Variants in RUNX3 observed in about 807,000 individuals in gnomAD.
RUNX3 encodes the protein runt-related transcription factor 3.
In RUNX3, 10 loss-of-function variants were observed where a neutral mutation model predicts 27.7. That is an observed-to-expected ratio of 0.36 (90% CI 0.22 to 0.61). The LOEUF (loss-of-function observed/expected upper bound fraction) is 0.61, where lower values mean the gene tolerates loss of function less well. RUNX3 is among the 20% of genes least tolerant of loss of function. The pLI, the probability that RUNX3 is intolerant of heterozygous loss-of-function variation, is 0.72. For synonymous variants in RUNX3, 270 were observed against 269.2 expected, an observed-to-expected ratio of 1.00 and a Z score of -0.03; for missense variants, 469 against 629.5, an observed-to-expected ratio of 0.75 and a Z score of 2.73.
At chr1:24,919,179 T>TCCTTCC (rs1239078155) in intron 3 of RUNX3, 61 bp downstream of exon 3, 7 of 1,051,500 alleles carry the variant, frequency 6.7e-6, no homozygotes, top group Admixed American at 4.5e-5. Flanking sequence ...CTAGCTGCTG[T>TCCTTCC]CCTTCCCGCA....
In RUNX3 at chr1:24,927,088, G is replaced by A. The variant is rs185391965; in HGVS notation, c.439+486C>T. On this transcript the variant is annotated intron_variant, in intron 2 of 4. Coordinates refer to ENST00000308873, the MANE Select transcript of RUNX3 (RefSeq NM_004350.3). The surrounding 1 kb of genome is among the most constrained non-coding windows in gnomAD (Gnocchi z 5.0). The stretch of plus-strand genomic sequence containing the variant: ...TCTAGACCACCTAGGGCTCAAAGGC[G>A]CTGGGAAACTGGGTCTGGGAGACCA... 1.5e-3 allele frequency among the ~76,000 whole-genome samples: 222 copies of A among 152,312 alleles called. 2 individuals are homozygous for A. The highest frequency in any genetic ancestry group is 2.6e-3 in the Non-Finnish European group (176 of 68,026).
intron 2 of RUNX3, among the ~76,000 whole-genome samples, chr1:24,926,205 C>T (rs552458645): frequency 2.2e-4 from 33 of 152,330 alleles, no homozygotes; most frequent in African/African-American, 6.7e-4. Context: ...TGTCTGCCAC[C>T]GACCAAGGAC....
intron 3 of RUNX3, among the ~76,000 whole-genome samples, chr1:24,910,915 G>A (rs1057209707): frequency 6.6e-6 from 1 of 152,224 alleles, no homozygotes; most frequent in African/African-American, 2.4e-5. Context: ...GGCAAGTCAC[G>A]TGAACGAGGC....
intron 1 of RUNX3, chr1:24,964,751 A>G (rs994404225): frequency 7.0e-7 from 1 of 1,423,118 alleles, no homozygotes; most frequent in Non-Finnish European, 9.2e-7. Context: ...TGCTGCTACG[A>G]AAAAGAAAAA....
At chr1:24,931,142 G>A (rs1429451297), upstream of RUNX3, among the ~76,000 whole-genome samples, 2 of 152,238 alleles carry the variant, frequency 1.3e-5, no homozygotes, top group Middle Eastern at 3.2e-3. Flanking sequence ...GCGCGTCGGT[G>A]GCAAAAGAAA....
At chr1:24,935,255 C>T (rs945240842), upstream of RUNX3, among the ~76,000 whole-genome samples, 2 of 152,360 alleles carry the variant, frequency 1.3e-5, no homozygotes, top group South Asian at 2.1e-4. Context: ...GCTAATCAGA[C>T]GTGTTTCCCT....
Position 24,902,312 on chromosome 1 carries a change from C to T in RUNX3, c.1058G>A (p.Gly353Asp). Residue 353 changes from glycine to aspartate, a missense_variant, in exon 5 of 5, where the codon GGC (glycine) becomes GAC (aspartate). Physicochemically the swap from Gly to Asp is moderately conservative, Grantham distance 94. Around this residue, in one of 3 missense-constraint regions of RUNX3, gnomAD observed 279 missense variants for 343.0 expected, o/e 0.81. Transcript: ENST00000308873. The surrounding 1 kb of genome is among the most constrained non-coding windows in gnomAD (Gnocchi z 9.2). ...FSMVAGSSSG[G>D]DRSPTRMLAS... Reference sequence around the variant, plus strand: ...CAGCATGCGGGTAGGTGAGCGGTCGCCCCCACTGCTGCTGCCGGCCACCAT... The same window carrying T: ...CAGCATGCGGGTAGGTGAGCGGTCGTCCCCACTGCTGCTGCCGGCCACCAT... 6 of 1,607,438 alleles carry T rather than the reference C, an allele frequency of 3.7e-6. No homozygotes were observed. The highest frequency in any genetic ancestry group is 5.1e-6 in the Non-Finnish European group (6 of 1,178,356).
intron 2 of RUNX3, among the ~76,000 whole-genome samples, chr1:24,921,344 A>G (rs571871933): frequency 1.6e-4 from 24 of 152,088 alleles, no homozygotes; most frequent in Non-Finnish European, 2.8e-4. Context: ...ATGCCACAGG[A>G]CCCAAGGCCC....
chr1:24,947,180 C>T (rs1242852867), intron 2 of RUNX3, among the ~76,000 whole-genome samples: 4 of 152,182 alleles, frequency 2.6e-5, no homozygotes, highest in African/African-American at 9.7e-5. Flanking sequence ...AGCTGTGGGC[C>T]CTAGGCCTTG....
intron 2 of RUNX3, among the ~76,000 whole-genome samples, chr1:24,952,323 A>T (rs1379778834): frequency 6.6e-6 from 1 of 152,182 alleles, no homozygotes; most frequent in African/African-American, 2.4e-5. Context: ...TTCCAGATGC[A>T]TCATCTCACC....
intron 3 of RUNX3, among the ~76,000 whole-genome samples, chr1:24,910,729 AT>A (rs1221629669): frequency 6.6e-6 from 1 of 152,160 alleles, no homozygotes; most frequent in Non-Finnish European, 1.5e-5. Flanking sequence ...TTCTCCTCCA[AT>A]GAGGCCCCAG....
At chr1:24,949,359 A>C (rs1339031396) in intron 2 of RUNX3, among the ~76,000 whole-genome samples, 1 of 152,160 alleles carries the variant, frequency 6.6e-6, no homozygotes, top group Non-Finnish European at 1.5e-5. Context: ...GCTGCACTCC[A>C]GCCATGCCCC....
upstream of RUNX3, among the ~76,000 whole-genome samples, chr1:24,930,448 C>T (rs898489047): frequency 1.1e-4 from 17 of 151,424 alleles, no homozygotes; most frequent in Non-Finnish European, 2.2e-4. The surrounding 1 kb of genome is among the most constrained non-coding windows in gnomAD (Gnocchi z 4.1). Flanking sequence ...GGGCGGAAGG[C>T]GCCACCCCGC....
chr1:24,935,030 G>A (rs1442027327), upstream of RUNX3, among the ~76,000 whole-genome samples: 1 of 152,224 alleles, frequency 6.6e-6, no homozygotes. Flanking sequence ...AGGACTGGCA[G>A]TAGTCCCCAG....
At chr1:24,951,770 T>C (rs908181791) in intron 2 of RUNX3, among the ~76,000 whole-genome samples, 2 of 152,196 alleles carry the variant, frequency 1.3e-5, no homozygotes, top group Non-Finnish European at 2.9e-5. Flanking sequence ...CCTGGGTGGG[T>C]GACCTGAGCA....
At chr1:24,939,132 G>C (rs1641415650) in intron 2 of RUNX3, among the ~76,000 whole-genome samples, 1 of 152,140 alleles carries the variant, frequency 6.6e-6, no homozygotes, top group African/African-American at 2.4e-5. Context: ...TCCAGGACTG[G>C]AGGGGCACAT....
intron 2 of RUNX3, among the ~76,000 whole-genome samples, chr1:24,959,378 TG>T: frequency 6.6e-6 from 1 of 152,136 alleles, no homozygotes. Flanking sequence ...CAGGGTGGTC[TG>T]GGGAGACGGG....
rs1640591881 is a variant in RUNX3, at chr1:24,902,945, T to C, written c.704-279A>G. ...AACAGAGGAGGGGGTCTATTCTTCT[T>C]TTTAAATCCTCCTTCCCAGCCTCGC... On this transcript the variant is annotated intron_variant, in intron 4 of 4. Coordinates refer to ENST00000308873, the MANE Select transcript of RUNX3 (RefSeq NM_004350.3). The surrounding 1 kb of genome is among the most constrained non-coding windows in gnomAD (Gnocchi z 9.2). 6.6e-6 allele frequency among the ~76,000 whole-genome samples: 1 copy of C among 152,184 alleles called. No homozygotes were observed. Among genetic ancestry groups the C allele is most frequent in the Non-Finnish European group, 1.5e-5 (1 of 68,012 alleles).
intron 2 of RUNX3, among the ~76,000 whole-genome samples, chr1:24,956,577 C>A (rs550795385): frequency 3.9e-4 from 59 of 152,292 alleles, no homozygotes; most frequent in Non-Finnish European, 7.6e-4. Context: ...TTCTCCACCC[C>A]CCCTGGACCT....
Sources: allele counts gnomAD v4.1 joint callset (sites outside exome capture counted in the v4.1 genomes callset), GRCh38; gene constraint gnomAD v4.1.1; regional missense constraint gnomAD v4.1.1; non-coding constraint Gnocchi (gnomAD v3.1); transcripts MANE v1.5; gene names NCBI Gene and HGNC (gene_info 2026-07-23, HGNC 2026-07-21).